UBE3D: variants seen among roughly 807,000 people sequenced by gnomAD.
The protein encoded by UBE3D is ubiquitin protein ligase E3D, also known as E3 ubiquitin-protein ligase E3D.
Under a neutral mutation model 49.6 loss-of-function variants are expected in UBE3D, and 48 were observed. The ratio of observed to expected loss-of-function variants is 0.97; its 90% CI spans 0.77 to 1.23. The LOEUF (loss-of-function observed/expected upper bound fraction) is 1.23, where lower values mean the gene tolerates loss of function less well. Among genes scored for constraint, UBE3D ranks in the 50% most tolerant of loss-of-function variants. The pLI is 0.00. For synonymous variants in UBE3D, 189 were observed against 174.2 expected, an observed-to-expected ratio of 1.08 and a Z score of -0.67; for missense variants, 452 against 468.4, an observed-to-expected ratio of 0.96 and a Z score of 0.32.
intron 8 of UBE3D, among the ~76,000 whole-genome samples, chr6:82,959,012 G>T (rs769679544): frequency 3.3e-5 from 5 of 152,098 alleles, no homozygotes; most frequent in African/African-American, 1.2e-4. Context: ...AGGTAAATAT[G>T]TTTATTTGGG....
intron 3 of UBE3D, among the ~76,000 whole-genome samples, chr6:83,051,495 T>C (rs146032920): frequency 6.6e-5 from 10 of 152,346 alleles, no homozygotes; most frequent in African/African-American, 2.4e-4. Context: ...TATCCTTTAC[T>C]GTAAGCAGAA....
Position 83,044,521 on chromosome 6 carries a change from G to A in UBE3D, c.504C>T (p.Phe168=). 6.2e-7 allele frequency: 1 copy of A among 1,614,116 alleles called. No individual in the cohort carries two copies. The highest frequency in any genetic ancestry group is 8.5e-7 in the Non-Finnish European group (1 of 1,179,984). ...ENDCFIGDSF[F]LVNLRTSLWQ... is the part of the protein sequence containing the mutation. Reference sequence around the variant, plus strand: ...ACAAACTGGTTCTTAAATTCACCAAGAAGAAAGAGTCTCCAATAAAACAGT... The same window carrying A: ...ACAAACTGGTTCTTAAATTCACCAAAAAGAAAGAGTCTCCAATAAAACAGT... Residue 168 remains phenylalanine (F), a synonymous_variant, in exon 4 of 10, where the codon TTC becomes TTT. Coordinates refer to ENST00000369747, the MANE Select transcript of UBE3D (RefSeq NM_198920.3).
At chr6:82,978,486 C>G (rs984648833) in intron 8 of UBE3D, among the ~76,000 whole-genome samples, 5 of 152,114 alleles carry the variant, frequency 3.3e-5, no homozygotes, top group African/African-American at 9.7e-5. Context: ...TTAATAAGAG[C>G]TTGATAAATA....
chr6:82,909,478 A>G (rs1772343082), intron 9 of UBE3D, among the ~76,000 whole-genome samples: 1 of 152,228 alleles, frequency 6.6e-6, no homozygotes, highest in Admixed American at 6.5e-5. Context: ...TATTATTCAG[A>G]AATGCCTCCA....
At chr6:82,888,297 ATTTAGG>A (rs1362934646), downstream of UBE3D, among the ~76,000 whole-genome samples, 1 of 131,298 alleles carries the variant, frequency 7.6e-6, no homozygotes, top group Non-Finnish European at 1.5e-5. Context: ...GGTGTTCATG[ATTTAGG>A]TTTTTTTTTT....
intron 7 of UBE3D, among the ~76,000 whole-genome samples, chr6:83,021,903 TG>T (rs2127773701): frequency 6.6e-6 from 1 of 152,208 alleles, no homozygotes; most frequent in South Asian, 2.1e-4. Context: ...ACCCTGATTT[TG>T]TGGTATGAGC....
intron 9 of UBE3D, among the ~76,000 whole-genome samples, chr6:82,909,343 G>A: frequency 6.6e-6 from 1 of 152,128 alleles, no homozygotes; most frequent in Admixed American, 6.6e-5. Flanking sequence ...GGGGGAATCT[G>A]AACTGTATAA....
At chr6:82,944,064 T>C (rs1775223173) in intron 9 of UBE3D, among the ~76,000 whole-genome samples, 1 of 151,310 alleles carries the variant, frequency 6.6e-6, no homozygotes, top group Non-Finnish European at 1.5e-5. Context: ...AGACTGCAAG[T>C]CTTAATGCTG....
At chr6:82,887,182 G>A in the UBE3D span, among the ~76,000 whole-genome samples, 3 of 151,540 alleles carry the variant, frequency 2.0e-5, no homozygotes, top group African/African-American at 7.3e-5. Context: ...ATAAAAGCTG[G>A]GTGTGGTGGC....
intron 2 of UBE3D, among the ~76,000 whole-genome samples, chr6:83,056,292 G>A (rs2127846444): frequency 6.6e-6 from 1 of 152,244 alleles, no homozygotes; most frequent in South Asian, 2.1e-4. Flanking sequence ...ACACTCCACT[G>A]TGGCTTTCAT....
chr6:83,035,515 A>G (rs2127798466), intron 5 of UBE3D, among the ~76,000 whole-genome samples: 1 of 152,202 alleles, frequency 6.6e-6, no homozygotes, highest in South Asian at 2.1e-4. Flanking sequence ...TTTTCTTTTC[A>G]AATTATGAAG....
chr6:82,973,420 C>G (rs1469653897), intron 8 of UBE3D, among the ~76,000 whole-genome samples: 1 of 152,100 alleles, frequency 6.6e-6, no homozygotes, highest in South Asian at 2.1e-4. Context: ...ATCTCCTCCC[C>G]GAAGAGCACC....
chr6:83,018,274 T>A (rs1032243404), intron 8 of UBE3D: 4 of 152,326 alleles, frequency 2.6e-5, no homozygotes, highest in Admixed American at 2.6e-4. Context: ...CTGGGAATGA[T>A]CTTCCATCAG....
intron 9 of UBE3D, among the ~76,000 whole-genome samples, chr6:82,919,761 T>C (rs1485011052): frequency 6.6e-6 from 1 of 152,184 alleles, no homozygotes; most frequent in African/African-American, 2.4e-5. Flanking sequence ...GGAGACTGCC[T>C]ATTTTTGAAT....
At position 83,009,914 on chromosome 6, in the gene UBE3D, G is replaced by A. The variant is rs1780227095; in HGVS notation, c.1010+9059C>T. ...TCAAATAATACCCTATTTTTTTAAG[G>A]AAGTATTTATAATAAAGATACAAAA... On this transcript the variant is annotated intron_variant, in intron 8 of 9. Transcript: ENST00000369747. 2.0e-5 allele frequency among the ~76,000 whole-genome samples: 3 copies of A among 151,272 alleles called. No homozygotes were observed. In the South Asian group the frequency reaches 6.3e-4, roughly 32 times the overall value.
At chr6:82,983,817 A>G (rs1054014120) in intron 8 of UBE3D, among the ~76,000 whole-genome samples, 1 of 152,184 alleles carries the variant, frequency 6.6e-6, no homozygotes, top group African/African-American at 2.4e-5. Flanking sequence ...TTCTTTTGTC[A>G]TTAGGATATA....
At chr6:82,896,294 T>C (rs993269779) in intron 9 of UBE3D, among the ~76,000 whole-genome samples, 7 of 152,246 alleles carry the variant, frequency 4.6e-5, no homozygotes, top group African/African-American at 7.2e-5. Flanking sequence ...ATGTTTTTCA[T>C]TTTATTCCCC....
At chr6:83,064,714 ACATT>A (rs1784390029) in intron 1 of UBE3D, among the ~76,000 whole-genome samples, 1 of 152,250 alleles carries the variant, frequency 6.6e-6, no homozygotes, top group African/African-American at 2.4e-5. Context: ...AAAAAGAAAT[ACATT>A]CAGAGTACTA....
At chr6:82,911,196 C>CAAAAA (rs1156620624) in intron 9 of UBE3D, among the ~76,000 whole-genome samples, 2,083 of 39,320 alleles carry the variant, frequency 0.053, 260 homozygotes, top group Admixed American at 0.091. Context: ...AACATTTTGG[C>CAAAAA]AAAAAAAAAA....
Sources: gnomAD v4.1 joint callset for allele counts (sites outside exome capture counted in the v4.1 genomes callset) on GRCh38, gnomAD v4.1.1 for gene constraint, MANE v1.5 for transcripts, NCBI Gene and HGNC (gene_info 2026-07-23, HGNC 2026-07-21) for gene names.